IMMT: variants seen among roughly 807,000 people sequenced by gnomAD.
IMMT encodes the protein inner membrane mitochondrial protein.
Under a neutral mutation model 92.7 loss-of-function variants are expected in IMMT, and 40 were observed. The observed-to-expected ratio is 0.43, with a 90% CI of 0.34 to 0.56. The LOEUF (loss-of-function observed/expected upper bound fraction) is 0.56, where lower values mean the gene tolerates loss of function less well. Ranked by LOEUF, IMMT falls within the 20% of genes least tolerant of loss-of-function variation. IMMT has a pLI of 0.03. For synonymous variants in IMMT, 322 were observed against 336.1 expected (o/e 0.96, Z 0.46); for missense variants, 831 against 912.1 (o/e 0.91, Z 1.14).
intron 3 of IMMT, among the ~76,000 whole-genome samples, chr2:86,175,362 T>C (rs548536621): frequency 3.3e-5 from 5 of 152,232 alleles, no homozygotes; most frequent in Non-Finnish European, 7.4e-5. Flanking sequence ...CTCTAATATA[T>C]ACATATACAT....
intron 13 of IMMT, 58 bp from the exon 14 acceptor site, chr2:86,146,255 C>G (rs763850388): frequency 3.4e-6 from 5 of 1,466,666 alleles, no homozygotes; most frequent in Non-Finnish European, 3.7e-6. Flanking sequence ...TGTCATGTAA[C>G]TGTGTAATCT....
At chr2:86,179,409 T>C (rs770176006) in intron 3 of IMMT, 24 bp downstream of exon 3, 2 of 1,525,138 alleles carry the variant, frequency 1.3e-6, no homozygotes, top group South Asian at 2.5e-5. Flanking sequence ...TTGGATAAAC[T>C]GAAATATTGT....
At chr2:86,187,099 C>T (rs571433737) in intron 1 of IMMT, among the ~76,000 whole-genome samples, 3 of 152,078 alleles carry the variant, frequency 2.0e-5, no homozygotes, top group Admixed American at 6.6e-5. Flanking sequence ...TACAATTCCA[C>T]GGTATTTAGT....
At chr2:86,159,750 A>G (rs1201068414) in intron 8 of IMMT, 79 bp from the exon 9 acceptor site, 33 of 1,259,276 alleles carry the variant, frequency 2.6e-5, no homozygotes, top group Non-Finnish European at 3.3e-5. Context: ...CACAGTATAT[A>G]ATTGTTAAAA....
intron 6 of IMMT, among the ~76,000 whole-genome samples, chr2:86,170,004 T>C (rs547060824): frequency 6.6e-6 from 1 of 152,340 alleles, no homozygotes; most frequent in East Asian, 1.9e-4. Flanking sequence ...ATAAAAGCAC[T>C]ACTAGAGAGT....
intron 1 of IMMT, 134 bp from the exon 2 acceptor site, chr2:86,181,506 A>G (rs1474449239): frequency 4.7e-6 from 3 of 643,182 alleles, no homozygotes; most frequent in Non-Finnish European, 8.3e-6. Context: ...TCAGAAGTCA[A>G]TTTATCATGA....
chr2:86,176,484 T>C (rs1677436096), intron 3 of IMMT, among the ~76,000 whole-genome samples: 1 of 152,134 alleles, frequency 6.6e-6, no homozygotes, highest in Non-Finnish European at 1.5e-5. Flanking sequence ...TATGAAGTGA[T>C]AAAGGTCAGA....
chr2:86,171,055 A>G (rs766265103), intron 5 of IMMT, among the ~76,000 whole-genome samples, 153 bp downstream of exon 5: 8 of 152,260 alleles, frequency 5.3e-5, no homozygotes, highest in Non-Finnish European at 1.0e-4. Context: ...AAAAAGATAC[A>G]TTCGGACATT....
Position 86,180,988 on chromosome 2 carries a change from C to T in IMMT, c.119+311G>A, listed in dbSNP as rs557164077. ...AATAAAATGCCAAATAAATTTAACA[C>T]TTATTTAAGTTACAACATGCTGAGT... On this transcript the variant is annotated intron_variant, in intron 2 of 14. Transcript: ENST00000410111. Among the ~76,000 whole-genome samples the T allele has an allele frequency of 2.6e-5, 4 of 152,230 alleles. No homozygotes were observed. The South Asian group carries it at 8.3e-4, about 32-fold the overall frequency.
intron 4 of IMMT, among the ~76,000 whole-genome samples, chr2:86,172,562 G>A (rs982809689): frequency 6.6e-6 from 1 of 152,060 alleles, no homozygotes; most frequent in Non-Finnish European, 1.5e-5. Context: ...CAAACTCCTG[G>A]GCTTAGGTGA....
At chr2:86,179,315 A>T in intron 3 of IMMT, 118 bp downstream of exon 3, 1 of 767,048 alleles carries the variant, frequency 1.3e-6, no homozygotes, top group South Asian at 2.0e-5. Context: ...TTGTATCCAC[A>T]GGAGGTCCTG....
At chr2:86,157,990 T>C (rs946730930) in intron 10 of IMMT, among the ~76,000 whole-genome samples, 1 of 152,036 alleles carries the variant, frequency 6.6e-6, no homozygotes, top group Non-Finnish European at 1.5e-5. Context: ...CTGAGACAGG[T>C]GATCTCTGTG....
rs760470893 is a variant in IMMT at position 86,146,111 on chromosome 2, A to G, written c.1620T>C (p.Asn540=). The G allele has an allele frequency of 2.5e-6, 4 of 1,608,862 alleles. No individual in the cohort carries two copies. The highest frequency in any genetic ancestry group is 1.1e-5 in the South Asian group (1 of 90,388). The change falls in exon 14 of 15, where the codon AAT becomes AAC. Residue 540 remains asparagine, a synonymous_variant. Transcript: ENST00000410111. ...EQVDNFTLDI[N]TAYARLRGIE... is the part of the protein sequence containing the mutation. ...TTCCTCTGAGTCTGGCATAGGCAGT[A>G]TTTATATCCAGAGTAAAGTTGTCAA...
At chr2:86,177,498 G>A (rs906082203) in intron 3 of IMMT, among the ~76,000 whole-genome samples, 2 of 152,060 alleles carry the variant, frequency 1.3e-5, no homozygotes, top group African/African-American at 2.4e-5. Context: ...CAGCTACTTG[G>A]GAGGCTGAAG....
At chr2:86,159,257 G>A in intron 9 of IMMT, 1 of 416,828 alleles carries the variant, frequency 2.4e-6, no homozygotes, top group Non-Finnish European at 4.5e-6. Flanking sequence ...ACTTATTTTT[G>A]TATTTTTTGT....
intron 6 of IMMT, among the ~76,000 whole-genome samples, chr2:86,167,493 T>TGG (rs1676793480): frequency 1.4e-5 from 2 of 142,326 alleles, no homozygotes; most frequent in African/African-American, 5.5e-5. Context: ...TGTTTTTTTT[T>TGG]TTTTTTTTGG....
intron 10 of IMMT, 149 bp downstream of exon 10, chr2:86,158,443 A>G (rs758001784): frequency 4.3e-5 from 24 of 561,674 alleles, no homozygotes; most frequent in Non-Finnish European, 6.9e-5. Context: ...GTCATCTGTA[A>G]TGACTGTGGT....
chr2:86,166,710 T>C (rs968026713), intron 6 of IMMT, 66 bp from the exon 7 acceptor site: 13 of 1,441,920 alleles, frequency 9.0e-6, no homozygotes, highest in African/African-American at 1.4e-5. Context: ...AAACTTTTGC[T>C]GTTCTCCTAT....
rs1472359894 is a variant in IMMT, at chr2:86,195,413, C to T, written c.-31G>A. Reference sequence around the variant, plus strand: ...TCAAGCGGACGGCGCTGCTGGTGGACTCGAGCTGCCGCGGCGGCGCGAGTT... The same window carrying T: ...TCAAGCGGACGGCGCTGCTGGTGGATTCGAGCTGCCGCGGCGGCGCGAGTT... On this transcript the variant is annotated 5_prime_UTR_variant, in exon 1 of 15. Coordinates refer to ENST00000410111, the MANE Select transcript of IMMT (RefSeq NM_006839.3). 7.8e-6 allele frequency: 12 copies of T among 1,544,114 alleles called. No individual in the cohort carries two copies. In the South Asian group the frequency reaches 1.4e-4, roughly 19 times the overall value.
Sources: gnomAD v4.1 joint callset for allele counts (sites outside exome capture counted in the v4.1 genomes callset) on GRCh38, gnomAD v4.1.1 for gene constraint, MANE v1.5 for transcripts, NCBI Gene and HGNC (gene_info 2026-07-23, HGNC 2026-07-21) for gene names.